Variants in FAM13A observed in about 807,000 individuals in gnomAD.
The protein encoded by FAM13A is family with sequence similarity 13 member A.
FAM13A carries 76 observed loss-of-function variants against 129.6 expected under a neutral mutation model. The observed-to-expected ratio is 0.59, with a 90% confidence interval of 0.49 to 0.71. FAM13A has a LOEUF of 0.71. Ranked by LOEUF, FAM13A falls within the 30% of genes least tolerant of loss-of-function variation. The pLI is 0.00. For missense variants in FAM13A, 1,108 were observed against 1,249.3 expected, an observed-to-expected ratio of 0.89 and a Z score of 1.70; for synonymous variants, 443 against 449.9, an observed-to-expected ratio of 0.98 and a Z score of 0.20.
chr4:88,938,279 A>AACT, intron 4 of FAM13A, 38 bp from the exon 5 acceptor site: 2 of 1,545,810 alleles, frequency 1.3e-6, no homozygotes, highest in Non-Finnish European at 1.8e-6. Flanking sequence ...ATTACTTAGT[A>AACT]AACACAACAG....
intron 6 of FAM13A, among the ~76,000 whole-genome samples, chr4:88,895,315 G>A (rs558762886): frequency 6.6e-6 from 1 of 152,220 alleles, no homozygotes; most frequent in African/African-American, 2.4e-5. Flanking sequence ...AACATAAAAT[G>A]TATGCATGCC....
chr4:88,732,722 A>G (rs1292720201), intron 21 of FAM13A, among the ~76,000 whole-genome samples: 1 of 152,074 alleles, frequency 6.6e-6, no homozygotes, highest in Non-Finnish European at 1.5e-5. Flanking sequence ...TGGCTGCTTA[A>G]TGCACAAAAT....
At chr4:88,820,155 C>T (rs1000387780) in intron 7 of FAM13A, among the ~76,000 whole-genome samples, 1 of 152,192 alleles carries the variant, frequency 6.6e-6, no homozygotes. Context: ...CTAAGAAAGG[C>T]TAAAGAGGCA....
At chr4:88,754,846 T>C (rs1303225501) in intron 14 of FAM13A, among the ~76,000 whole-genome samples, 2 of 152,172 alleles carry the variant, frequency 1.3e-5, no homozygotes, top group African/African-American at 4.8e-5. Flanking sequence ...AAGCCCTTAA[T>C]AGCTCCATTT....
At chr4:88,988,658 GA>G (rs1762562513) in intron 4 of FAM13A, among the ~76,000 whole-genome samples, 1 of 151,792 alleles carries the variant, frequency 6.6e-6, no homozygotes. Flanking sequence ...AGAAAAGCTT[GA>G]AAAAACCAGT....
At chr4:88,926,180 G>A (rs1752124449) in intron 5 of FAM13A, among the ~76,000 whole-genome samples, 1 of 152,086 alleles carries the variant, frequency 6.6e-6, no homozygotes, top group African/African-American at 2.4e-5. Flanking sequence ...GAGTAAAGCA[G>A]CTGGAAATTT....
At chr4:88,739,002 A>G (rs762686972) in intron 20 of FAM13A, 28 bp downstream of exon 20, 3 of 1,453,580 alleles carry the variant, frequency 2.1e-6, no homozygotes, top group Non-Finnish European at 1.9e-6. Context: ...AAGGTGTTGT[A>G]CCAGCCACGG....
intron 11 of FAM13A, among the ~76,000 whole-genome samples, chr4:88,780,063 T>C (rs1722556535): frequency 6.6e-6 from 1 of 152,204 alleles, no homozygotes; most frequent in African/African-American, 2.4e-5. Flanking sequence ...TGTGTCATGA[T>C]TCCAAACTTT....
At chr4:88,832,339 T>C (rs1734033807) in intron 7 of FAM13A, among the ~76,000 whole-genome samples, 1 of 152,198 alleles carries the variant, frequency 6.6e-6, no homozygotes, top group Admixed American at 6.5e-5. Context: ...GAAGATTTCA[T>C]GATGAAAACA....
intron 3 of FAM13A, among the ~76,000 whole-genome samples, chr4:88,992,091 C>T (rs1476909062): frequency 1.3e-5 from 2 of 152,128 alleles, no homozygotes; most frequent in Non-Finnish European, 2.9e-5. Flanking sequence ...CTGCCTATCC[C>T]AACTCTGGTA....
chr4:88,819,563 T>C (rs571487290), intron 7 of FAM13A, among the ~76,000 whole-genome samples: 3 of 152,242 alleles, frequency 2.0e-5, no homozygotes, highest in Non-Finnish European at 4.4e-5. Context: ...ATATGAATTG[T>C]ACAAAGAGCC....
chr4:88,823,390 CCTT>C (rs1578828039), intron 7 of FAM13A: 1 of 935,328 alleles, frequency 1.1e-6, no homozygotes, highest in East Asian at 9.5e-5. Context: ...TCCTCCTCCT[CCTT>C]CTCTCCTCCT....
chr4:88,837,136 A>G (rs1578886048), intron 7 of FAM13A, among the ~76,000 whole-genome samples: 1 of 151,090 alleles, frequency 6.6e-6, no homozygotes, highest in African/African-American at 2.4e-5. Flanking sequence ...CTGGGATTAC[A>G]GGCATGCGCC....
At chr4:89,052,451 C>A in intron 1 of FAM13A, among the ~76,000 whole-genome samples, 1 of 99,118 alleles carries the variant, frequency 1.0e-5, no homozygotes. Flanking sequence ...TAAAGCTATC[C>A]CTCCCCCCTC....
At chr4:88,737,946 G>A (rs1478506542) in intron 20 of FAM13A, among the ~76,000 whole-genome samples, 1 of 152,198 alleles carries the variant, frequency 6.6e-6, no homozygotes, top group East Asian at 1.9e-4. Flanking sequence ...AAGGGGAGCT[G>A]ACTTCTCTGT....
At chr4:88,918,443 C>T (rs2609258) in intron 5 of FAM13A, among the ~76,000 whole-genome samples, 113,995 of 152,076 alleles carry the variant, frequency 0.75, 43,020 homozygotes, top group Non-Finnish European at 0.79. Flanking sequence ...AGGTCCTACA[C>T]TTAGTAAGTG....
At chr4:88,909,338 C>T (rs1187560587) in intron 5 of FAM13A, among the ~76,000 whole-genome samples, 1 of 151,960 alleles carries the variant, frequency 6.6e-6, no homozygotes, top group Admixed American at 6.6e-5. Flanking sequence ...ATAATACAGA[C>T]ACAAAAGGAT....
At chr4:89,025,741 T>C (rs1767891672) in intron 2 of FAM13A, among the ~76,000 whole-genome samples, 1 of 152,164 alleles carries the variant, frequency 6.6e-6, no homozygotes, top group African/African-American at 2.4e-5. Context: ...TACACTGATA[T>C]TTAAAAGATT....
intron 5 of FAM13A, among the ~76,000 whole-genome samples, chr4:88,908,964 C>T (rs1040472698): frequency 7.9e-5 from 12 of 152,252 alleles, no homozygotes; most frequent in Non-Finnish European, 5.9e-5. Context: ...AATAATTCAA[C>T]TAGTAACCTA....
Sources: allele counts gnomAD v4.1 joint callset (sites outside exome capture counted in the v4.1 genomes callset), GRCh38; gene constraint gnomAD v4.1.1; transcripts MANE v1.5; gene names NCBI Gene and HGNC (gene_info 2026-07-23, HGNC 2026-07-21).